GANC: variants seen among roughly 807,000 people sequenced by gnomAD.
GANC encodes glucosidase alpha, neutral C.
A neutral mutation model predicts 124.2 loss-of-function variants in GANC; 117 were observed. The ratio of observed to expected loss-of-function variants is 0.94; its 90% CI spans 0.81 to 1.10. The LOEUF (loss-of-function observed/expected upper bound fraction) is 1.10, where lower values mean the gene tolerates loss of function less well. GANC is among the 50% of genes least tolerant of loss of function. GANC has a pLI of 0.00. For missense variants in GANC, 1,140 were observed against 1,095.0 expected (o/e 1.04, Z -0.58); for synonymous variants, 377 against 376.8 (o/e 1.00, Z -0.01).
intron 10 of GANC, among the ~76,000 whole-genome samples, chr15:42,316,188 T>C (rs151290904): frequency 6.6e-6 from 1 of 152,256 alleles, no homozygotes; most frequent in Non-Finnish European, 1.5e-5. Flanking sequence ...TATTCACAAT[T>C]GTAGGGTCCA....
At chr15:42,335,828 C>T (rs1441894969) in intron 15 of GANC, among the ~76,000 whole-genome samples, 2 of 152,266 alleles carry the variant, frequency 1.3e-5, no homozygotes, top group African/African-American at 4.8e-5. Context: ...CAACAACAGT[C>T]AAGCCTAGAG....
In GANC at chr15:42,343,142, A is replaced by G; in HGVS notation, c.2217A>G (p.Pro739=). The G allele has an allele frequency of 6.2e-7, 1 of 1,613,922 alleles. No homozygotes were observed. Among genetic ancestry groups the G allele is most frequent in the South Asian group, 1.1e-5 (1 of 91,080 alleles). ...CCACCACAGTTGATGTGTTTCTTCC[A>G]GGATCAAATGAGGTAAGAGTAATAA... ...PKATTVDVFL[P]GSNEVWYDYK... is the part of the protein sequence containing the mutation. The change falls in exon 19 of 24, where the codon CCA becomes CCG. Residue 739 remains proline, a synonymous_variant. Transcript: ENST00000318010.
intron 4 of GANC, among the ~76,000 whole-genome samples, chr15:42,290,191 GC>G (rs1156532024): frequency 2.0e-5 from 3 of 152,138 alleles, no homozygotes; most frequent in Admixed American, 6.6e-5. Flanking sequence ...AAATAAAGTG[GC>G]CCATTGAAAG....
At chr15:42,318,791 G>A (rs1205208373) in intron 10 of GANC, among the ~76,000 whole-genome samples, 1 of 152,058 alleles carries the variant, frequency 6.6e-6, no homozygotes, top group Non-Finnish European at 1.5e-5. Context: ...GTCTCCCTAG[G>A]TTACCCAGGC....
chr15:42,349,767 G>T (rs2052406942), intron 22 of GANC, among the ~76,000 whole-genome samples: 1 of 151,724 alleles, frequency 6.6e-6, no homozygotes, highest in Admixed American at 6.6e-5. Context: ...TCCTGCCTCA[G>T]CCTCCCAAGT....
intron 4 of GANC, 66 bp downstream of exon 4, chr15:42,287,884 T>C: frequency 6.6e-7 from 1 of 1,512,942 alleles, no homozygotes; most frequent in Non-Finnish European, 8.9e-7. Context: ...TCTTGAGTAA[T>C]AAATTTTGTT....
intron 19 of GANC, chr15:42,343,424 A>G (rs1378736546): frequency 2.2e-5 from 9 of 404,308 alleles, no homozygotes; most frequent in Admixed American, 3.8e-5. Flanking sequence ...GAGTCCTGAT[A>G]AACACACCGA....
At chr15:42,304,466 A>G (rs930601853) in intron 6 of GANC, among the ~76,000 whole-genome samples, 3 of 152,242 alleles carry the variant, frequency 2.0e-5, no homozygotes, top group Non-Finnish European at 4.4e-5. Flanking sequence ...GAAATAAGAG[A>G]GGACACAAAC....
At chr15:42,301,480 C>A (rs997649974) in intron 6 of GANC, among the ~76,000 whole-genome samples, 1 of 151,608 alleles carries the variant, frequency 6.6e-6, no homozygotes, top group Non-Finnish European at 1.5e-5. Context: ...ACCCCAGTGG[C>A]GCCTGGAACA....
At position 42,330,610 on chromosome 15, in the gene GANC, C is replaced by T; in HGVS notation, c.1679C>T (p.Ser560Phe). The T allele has an allele frequency of 4.3e-6, 7 of 1,611,608 alleles. No individual in the cohort carries two copies. Among genetic ancestry groups the T allele is most frequent in the East Asian group, 2.2e-5 (1 of 44,824 alleles). The part of the protein sequence containing the change: ...MATAEGLIKR[S>F]KGKERPFVLT... ...ACTGCAGAAGGACTGATAAAACGATCTAAAGGGAAGGAGAGACCCTTTGTT... is the reference window on the plus strand; with the variant it reads ...ACTGCAGAAGGACTGATAAAACGATTTAAAGGGAAGGAGAGACCCTTTGTT... The change falls in exon 15 of 24, where the codon TCT (serine) becomes TTT (phenylalanine). Residue 560 changes from serine to phenylalanine, a missense_variant. Coordinates refer to ENST00000318010, the MANE Select transcript of GANC (RefSeq NM_198141.3).
In GANC at chr15:42,346,111, G is replaced by A. The variant is rs186781796; in HGVS notation, c.2304+279G>A. 3.2e-4 allele frequency among the ~76,000 whole-genome samples: 49 copies of A among 152,266 alleles called. No individual in the cohort carries two copies. In the East Asian group the frequency reaches 7.5e-3, roughly 23 times the overall value. On this transcript the variant is annotated intron_variant, in intron 20 of 23. Coordinates refer to ENST00000318010, the MANE Select transcript of GANC (RefSeq NM_198141.3). ...TCAGTTTTCTTCTTACAAGGACACT[G>A]TTCCTGTCGTTTCAGGACCCCATCC...
chr15:42,328,295 C>A (rs140833945), intron 13 of GANC, among the ~76,000 whole-genome samples: 154 of 152,244 alleles, frequency 1.0e-3, no homozygotes, highest in African/African-American at 3.6e-3. Context: ...CTATTTGTGG[C>A]TGCTTTTGTA....
At chr15:42,282,537 T>TG (rs2051744282) in intron 3 of GANC, among the ~76,000 whole-genome samples, 2 of 152,228 alleles carry the variant, frequency 1.3e-5, no homozygotes, top group East Asian at 3.9e-4. Flanking sequence ...AGCTCACAGC[T>TG]GCAGTTCTCA....
chr15:42,324,432 T>C (rs1001033338), intron 11 of GANC, among the ~76,000 whole-genome samples: 2 of 152,054 alleles, frequency 1.3e-5, no homozygotes, highest in African/African-American at 4.8e-5. Flanking sequence ...CACTTGTGGG[T>C]ATATACCCAA....
chr15:42,343,210 T>G, intron 19 of GANC, 56 bp downstream of exon 19: 2 of 1,462,572 alleles, frequency 1.4e-6, no homozygotes, highest in Non-Finnish European at 1.9e-6. Flanking sequence ...ATCCCTTCTT[T>G]TCTTTTAGGA....
In GANC at chr15:42,287,713, A is replaced by G. The variant is rs770120224; in HGVS notation, c.224A>G (p.Tyr75Cys). 70 of 1,611,506 alleles carry G rather than the reference A, an allele frequency of 4.3e-5. No homozygotes were observed. The highest frequency in any genetic ancestry group is 5.9e-5 in the Non-Finnish European group (69 of 1,179,130). Residue 75 changes from tyrosine (Y) to cysteine (C), a missense_variant, in exon 4 of 24, where the codon TAT becomes TGT. Tyr to Cys is a radical substitution (Grantham distance 194, BLOSUM62 -2). Coordinates refer to ENST00000318010, the MANE Select transcript of GANC (RefSeq NM_198141.3). ...ASKVPLLAEIYGIEGNIFRLK... is the reference protein window; with the variant it reads ...ASKVPLLAEICGIEGNIFRLK... Reference sequence around the variant, plus strand: ...CAGGTTCCTCTCCTGGCTGAAATTTATGGTATAGAAGGAAACATTTTCAGG... The same window carrying G: ...CAGGTTCCTCTCCTGGCTGAAATTTGTGGTATAGAAGGAAACATTTTCAGG...
intron 6 of GANC, among the ~76,000 whole-genome samples, chr15:42,305,981 ATACCTAATG>A (rs1345614611): frequency 6.6e-6 from 1 of 151,670 alleles, no homozygotes; most frequent in Non-Finnish European, 1.5e-5. Context: ...ATTAGGAGTA[ATACCTAATG>A]TAGATGATGG....
intron 3 of GANC, among the ~76,000 whole-genome samples, chr15:42,281,507 A>G (rs2141016364): frequency 6.6e-6 from 1 of 152,242 alleles, no homozygotes; most frequent in South Asian, 2.1e-4. Flanking sequence ...CAACATGGCA[A>G]AACCCCATCT....
intron 7 of GANC, among the ~76,000 whole-genome samples, 193 bp from the exon 8 acceptor site, chr15:42,308,029 A>G (rs114866035): frequency 0.025 from 3,824 of 152,334 alleles, 157 homozygotes; most frequent in African/African-American, 0.088. Context: ...TTTGCCTTAC[A>G]CATTTTTGTA....
Sources: gnomAD v4.1 joint callset for allele counts (sites outside exome capture counted in the v4.1 genomes callset) on GRCh38, gnomAD v4.1.1 for gene constraint, MANE v1.5 for transcripts, NCBI Gene and HGNC (gene_info 2026-07-23, HGNC 2026-07-21) for gene names.